Variants in RASSF5 observed in about 807,000 individuals in gnomAD.
RASSF5 encodes the protein Ras association domain family member 5, also known as ras association domain-containing protein 5.
RASSF5 carries 25 observed loss-of-function variants against 40.5 expected under a neutral mutation model. The observed-to-expected ratio is 0.62, with a 90% CI of 0.45 to 0.86. The LOEUF (loss-of-function observed/expected upper bound fraction) is 0.86, where lower values mean the gene tolerates loss of function less well. Ranked by LOEUF, RASSF5 falls within the 40% of genes least tolerant of loss-of-function variation. RASSF5 has a pLI of 0.00. For missense variants in RASSF5, 521 were observed against 572.8 expected, an observed-to-expected ratio of 0.91 and a Z score of 0.92; for synonymous variants, 246 against 252.4, an observed-to-expected ratio of 0.97 and a Z score of 0.24.
chr1:206,582,899 T>A (rs1386479195), intron 2 of RASSF5, among the ~76,000 whole-genome samples: 1 of 152,230 alleles, frequency 6.6e-6, no homozygotes, highest in Non-Finnish European at 1.5e-5. Flanking sequence ...AGAAGCATCT[T>A]TTCCATAGCA....
Position 206,529,906 on chromosome 1 carries a change from C to A in RASSF5, c.458-8266C>A, listed in dbSNP as rs1572309093. Among the ~76,000 whole-genome samples, 3 of 151,842 alleles carry A rather than the reference C, an allele frequency of 2.0e-5. No individual in the cohort carries two copies. The South Asian group carries it at 6.3e-4, about 32-fold the overall frequency. On this transcript the variant is annotated intron_variant, in intron 1 of 5. Transcript: ENST00000579436. ...CTTCAGCCTGGGTGGCACAGTGAGA[C>A]CCTGCCTCAAAAAAAATAAATACAA...
At chr1:206,580,395 C>T (rs868992401) in intron 2 of RASSF5, among the ~76,000 whole-genome samples, 4 of 152,154 alleles carry the variant, frequency 2.6e-5, no homozygotes, top group South Asian at 4.1e-4. Flanking sequence ...GCTATTACCT[C>T]CTGAGGAGCA....
rs79969675 is a variant in RASSF5, at chr1:206,572,909, G to A, written c.580-10360G>A. Among the ~76,000 whole-genome samples the A allele has an allele frequency of 2.1e-3, 315 of 152,200 alleles. 11 individuals are homozygous for A. In the East Asian group the frequency reaches 0.057, roughly 28 times the overall value. ...TGTGGCCTTGGCTGAAGGGCCTATC[G>A]GGAATCAAGGTCCCATATTGGGTCC... On this transcript the variant is annotated intron_variant, in intron 2 of 5. Transcript: ENST00000579436.
In RASSF5 at chr1:206,508,059, A is replaced by T. The variant is rs1553394132; in HGVS notation, c.457A>T (p.Asn153Tyr). ...EVLRQALRCT[N>Y]CKFTCHPECR... ...GCTGCGGCAGGCGCTGCGCTGCACT[A>T]GTAAGTGTGAAGGCAGGGGAGGGGC... The change falls in exon 1 of 6, where the codon AAC becomes TAC. Residue 153 changes from asparagine (N) to tyrosine (Y), a missense_variant and splice_region_variant. Asn to Tyr is a moderately radical substitution (Grantham distance 143). This residue lies in a region of RASSF5 where 284 missense variants were observed against 360.8 expected (regional missense o/e 0.79). Transcript: ENST00000579436. The T allele has an allele frequency of 1.4e-6, 2 of 1,389,984 alleles. No homozygotes were observed. The highest frequency in any genetic ancestry group is 9.3e-7 in the Non-Finnish European group (1 of 1,072,106). The allele number at this position is 1,389,984 out of a possible 1,614,324, so 86.1% of individuals were successfully genotyped here.
At chr1:206,553,408 A>C (rs1667900080) in intron 2 of RASSF5, among the ~76,000 whole-genome samples, 1 of 152,194 alleles carries the variant, frequency 6.6e-6, no homozygotes, top group Admixed American at 6.5e-5. Context: ...GCAGAGATAG[A>C]AACATGGGGA....
chr1:206,568,902 G>A (rs538371761), intron 2 of RASSF5, among the ~76,000 whole-genome samples: 5 of 152,354 alleles, frequency 3.3e-5, no homozygotes, highest in East Asian at 1.9e-4. Context: ...GAGCCAATAC[G>A]TAGCTCCTAG....
chr1:206,545,843 C>T (rs1181898786), intron 2 of RASSF5, among the ~76,000 whole-genome samples: 1 of 151,370 alleles, frequency 6.6e-6, no homozygotes, highest in South Asian at 2.1e-4. Context: ...AAGATCATTT[C>T]TTATAGGCAG....
intron 1 of RASSF5, among the ~76,000 whole-genome samples, chr1:206,508,637 G>T (rs1181680291): frequency 2.6e-5 from 4 of 152,120 alleles, no homozygotes; most frequent in Admixed American, 2.0e-4. Context: ...AGAGCCTGAA[G>T]TCACCCTGAA....
Position 206,579,224 on chromosome 1 carries a change from G to A in RASSF5, c.580-4045G>A, listed in dbSNP as rs1276718761. Among the ~76,000 whole-genome samples the A allele has an allele frequency of 6.6e-6, 1 of 152,216 alleles. No homozygotes were observed. The highest frequency in any genetic ancestry group is 1.9e-4 in the East Asian group (1 of 5,200). ...CAGCCATCTGCCACCAATGCCAGGGGCTTAATCGGAATAGATGAATTCCAT... is the reference window on the plus strand; with the variant it reads ...CAGCCATCTGCCACCAATGCCAGGGACTTAATCGGAATAGATGAATTCCAT... On this transcript the variant is annotated intron_variant, in intron 2 of 5. Transcript: ENST00000579436. The surrounding 1 kb of genome is among the most constrained non-coding windows in gnomAD (Gnocchi z 4.2).
At chr1:206,514,557 C>A (rs1666701674) in intron 1 of RASSF5, among the ~76,000 whole-genome samples, 1 of 152,146 alleles carries the variant, frequency 6.6e-6, no homozygotes, top group Non-Finnish European at 1.5e-5. Context: ...GTTTTTTGAA[C>A]AAACATATTT....
In RASSF5 at chr1:206,535,720, GTGT is replaced by G. The variant is rs1558503527; in HGVS notation, c.458-2451_458-2449del. ...GTGTGTGTCTGTGTGTGTGTGGTGT[GTGT>G]GTGTGTGTGTGTGTGTGTGTGAGAG... On this transcript the variant is annotated intron_variant, in intron 1 of 5. Transcript: ENST00000579436. The surrounding 1 kb of genome is among the most constrained non-coding windows in gnomAD (Gnocchi z 5.0). Among the ~76,000 whole-genome samples, 494 of 66,494 alleles carry G rather than the reference GTGT, an allele frequency of 7.4e-3. 4 individuals carry two copies. Among genetic ancestry groups the G allele is most frequent in the Non-Finnish European group, 0.01 (326 of 32,548 alleles). The allele number at this position is 66,494 out of a possible 152,430, so 43.6% of individuals were successfully genotyped here.
chr1:206,535,911 G>A lies in RASSF5; in HGVS notation c.458-2261G>A, dbSNP rs1194104237. ...GCAGCTGTCATCACCGTGGAGCTGG[G>A]CGAGCTTTCAGTCCTTCCTCCTTTT... On this transcript the variant is annotated intron_variant, in intron 1 of 5. Transcript: ENST00000579436. This position sits in a 1 kb window ranked among gnomAD's most constrained non-coding sequence, Gnocchi z 5.0. Among the ~76,000 whole-genome samples, 1 of 152,046 alleles carries A rather than the reference G, an allele frequency of 6.6e-6. No individual in the cohort carries two copies. The highest frequency in any genetic ancestry group is 2.4e-5 in the African/African-American group (1 of 41,394).
intron 2 of RASSF5, chr1:206,544,317 A>G (rs1186052700): frequency 6.6e-6 from 1 of 152,168 alleles, no homozygotes; most frequent in African/African-American, 2.4e-5. Context: ...CATCTCTGGT[A>G]CCTCTAACAG....
rs1424871211 is a variant in RASSF5, at chr1:206,587,797, T to C, written c.*819T>C. On this transcript the variant is annotated 3_prime_UTR_variant, in exon 6 of 6. Coordinates refer to ENST00000579436, the MANE Select transcript of RASSF5 (RefSeq NM_182663.4). The stretch of plus-strand genomic sequence containing the variant: ...CCAAAGGGAAGCCAGTCATTGACCA[T>C]TTAAAAAGTCTCCTGCTAAGTATGG... 1 of 152,440 alleles carries C rather than the reference T, an allele frequency of 6.6e-6. No individual in the cohort carries two copies. The highest frequency in any genetic ancestry group is 1.5e-5 in the Non-Finnish European group (1 of 68,054). 9.4% of individuals were successfully genotyped at this position (152,440 alleles called of 1,614,324 possible).
At position 206,584,222 on chromosome 1, in the gene RASSF5, T is replaced by C. The variant is rs1032968064; in HGVS notation, c.691-165T>C. Among the ~76,000 whole-genome samples, 5 of 152,188 alleles carry C rather than the reference T, an allele frequency of 3.3e-5. No individual in the cohort carries two copies. Among genetic ancestry groups the C allele is most frequent in the African/African-American group, 1.2e-4 (5 of 41,450 alleles). ...CTGAGGGTCTTCTCCCAGCCCACTA[T>C]GGGGAAAGGGATCTCTGCTCCTTCC... On this transcript the variant is annotated intron_variant, in intron 3 of 5. Transcript: ENST00000579436. The surrounding 1 kb of genome is among the most constrained non-coding windows in gnomAD (Gnocchi z 4.9).
intron 1 of RASSF5, 143 bp from the exon 2 acceptor site, chr1:206,538,029 C>T: frequency 3.4e-6 from 4 of 1,177,018 alleles, no homozygotes; most frequent in South Asian, 2.8e-5. Flanking sequence ...GTGGCATTCT[C>T]ACGCTGTCTC....
chr1:206,583,527 G>A (rs1668980176), intron 3 of RASSF5, 148 bp downstream of exon 3: 2 of 628,714 alleles, frequency 3.2e-6, no homozygotes, highest in African/African-American at 3.7e-5. Context: ...GGTCTGGAAG[G>A]CTGATAGCCA....
rs569945436 is a variant in RASSF5, at chr1:206,584,116, C to T, written c.691-271C>T. On this transcript the variant is annotated intron_variant, in intron 3 of 5. Transcript: ENST00000579436. The surrounding 1 kb of genome is among the most constrained non-coding windows in gnomAD (Gnocchi z 4.9). ...GGCACTCACCAAAGGCAACTGGTTA[C>T]AGGAGGTTTAGGGAGCTGGCCTGAG... Among the ~76,000 whole-genome samples the T allele has an allele frequency of 3.3e-5, 5 of 152,294 alleles. No homozygotes were observed. In the East Asian group the frequency reaches 9.6e-4, roughly 29 times the overall value.
Position 206,538,396 on chromosome 1 carries a change from G to C in RASSF5, c.579+103G>C. On this transcript the variant is annotated intron_variant, in intron 2 of 5. Coordinates refer to ENST00000579436, the MANE Select transcript of RASSF5 (RefSeq NM_182663.4). ...TCTGGTGAGCAGGAGGTGGCATGAG[G>C]CCTCAGATTCCACATGCACTGGATG... 7 of 1,493,328 alleles carry C rather than the reference G, an allele frequency of 4.7e-6. No individual in the cohort carries two copies. The South Asian group carries it at 7.3e-5, about 16-fold the overall frequency. 92.5% of individuals were successfully genotyped at this position (1,493,328 alleles called of 1,614,324 possible). A position where few individuals can be genotyped will look rare whatever the true frequency, so the allele number is the denominator to read the frequency against.
Sources: allele counts gnomAD v4.1 joint callset (sites outside exome capture counted in the v4.1 genomes callset), GRCh38; gene constraint gnomAD v4.1.1; regional missense constraint gnomAD v4.1.1; non-coding constraint Gnocchi (gnomAD v3.1); transcripts MANE v1.5; gene names NCBI Gene and HGNC (gene_info 2026-07-23, HGNC 2026-07-21).